TMCO6: variants seen among roughly 807,000 people sequenced by gnomAD.
TMCO6 encodes transmembrane and coiled-coil domain-containing protein 6.
In TMCO6, 47 loss-of-function variants were observed where a neutral mutation model predicts 61.8. That is an observed-to-expected ratio of 0.76 (90% CI 0.60 to 0.97). TMCO6 has a LOEUF of 0.97. Among genes scored for constraint, TMCO6 ranks in the 50% least tolerant of loss-of-function variants. The pLI, the probability that TMCO6 is intolerant of heterozygous loss-of-function variation, is 0.00. For synonymous variants in TMCO6, 261 were observed against 254.2 expected (o/e 1.03, Z -0.25); for missense variants, 557 against 601.6 (o/e 0.93, Z 0.78).
At chr5:140,647,730 C>T (rs766346615), downstream of TMCO6, 20 of 1,318,260 alleles carry the variant, frequency 1.5e-5, no homozygotes, top group Admixed American at 5.7e-5. Flanking sequence ...ATTGTAGGAC[C>T]GCTGCGAGGT....
intron 2 of TMCO6, chr5:140,641,194 C>T (rs1316366534): frequency 6.4e-6 from 1 of 155,892 alleles, no homozygotes; most frequent in African/African-American, 2.4e-5. Context: ...GGAGCAGAAA[C>T]CTGAAGAGAG....
chr5:140,639,639 G>T lies in TMCO6; in HGVS notation c.85+27G>T, dbSNP rs941955647. ...TGTGGGCGGCCGAGGGAGCGCGGGG[G>T]TATATGGCGGTCGGGGATAAGTTGA... On this transcript the variant is annotated intron_variant, in intron 1 of 11. Coordinates refer to ENST00000394671, the MANE Select transcript of TMCO6 (RefSeq NM_018502.5). 3.2e-6 allele frequency: 5 copies of T among 1,539,690 alleles called. No homozygotes were observed. The African/African-American group carries it at 4.1e-5, about 13-fold the overall frequency.
At chr5:140,647,298 G>C, downstream of TMCO6, 1 of 1,577,178 alleles carries the variant, frequency 6.3e-7, no homozygotes, top group East Asian at 2.2e-5. Context: ...GAGCATTCGC[G>C]GATTAGGATG....
At chr5:140,600,038 C>G in the TMCO6 span, among the ~76,000 whole-genome samples, 2 of 152,052 alleles carry the variant, frequency 1.3e-5, no homozygotes, top group Non-Finnish European at 2.9e-5. Context: ...TGGCATTCCC[C>G]CAGTGGTATG....
chr5:140,604,217 C>T, the TMCO6 span, among the ~76,000 whole-genome samples: 1 of 151,880 alleles, frequency 6.6e-6, no homozygotes, highest in Non-Finnish European at 1.5e-5. Flanking sequence ...AACATAGCTA[C>T]ACCTTGTCTC....
the TMCO6 span, among the ~76,000 whole-genome samples, chr5:140,629,777 T>C: frequency 6.6e-6 from 1 of 151,390 alleles, no homozygotes; most frequent in African/African-American, 2.4e-5. Flanking sequence ...CTACGAAAAA[T>C]ACAAAATTAG....
chr5:140,621,932 T>C, the TMCO6 span, among the ~76,000 whole-genome samples: 1 of 152,208 alleles, frequency 6.6e-6, no homozygotes, highest in Non-Finnish European at 1.5e-5. Flanking sequence ...CTCAAAACCC[T>C]GTCTCCTGAT....
the TMCO6 span, chr5:140,632,179 C>G: frequency 6.2e-7 from 1 of 1,613,794 alleles, no homozygotes; most frequent in African/African-American, 1.3e-5. The surrounding 1 kb of genome is among the most constrained non-coding windows in gnomAD (Gnocchi z 6.2). Flanking sequence ...CATCTCGGAG[C>G]GCTAGGGTTT....
the TMCO6 span, among the ~76,000 whole-genome samples, chr5:140,613,871 CT>C: frequency 6.6e-6 from 1 of 151,628 alleles, no homozygotes. Context: ...CTGCACCAGG[CT>C]CATCTCTCAT....
intron 7 of TMCO6, 166 bp from the exon 8 acceptor site, chr5:140,643,398 T>C (rs1757169739): frequency 2.8e-6 from 2 of 707,506 alleles, no homozygotes; most frequent in South Asian, 1.6e-5. Context: ...AGTTTCGCCA[T>C]GTTGGCCAGG....
Position 140,643,978 on chromosome 5 carries a change from A to T in TMCO6, c.1105+12A>T. 1 of 1,614,070 alleles carries T rather than the reference A, an allele frequency of 6.2e-7. No individual in the cohort carries two copies. Among genetic ancestry groups the T allele is most frequent in the Non-Finnish European group, 8.5e-7 (1 of 1,179,972 alleles). On this transcript the variant is annotated intron_variant, in intron 9 of 11. Coordinates refer to ENST00000394671, the MANE Select transcript of TMCO6 (RefSeq NM_018502.5). ...CAACAACCTCACTGGTACGCACCAT[A>T]ATCTGCCCAGGCCTGGACATTTGGA...
At chr5:140,617,313 G>A in the TMCO6 span, among the ~76,000 whole-genome samples, 1 of 152,126 alleles carries the variant, frequency 6.6e-6, no homozygotes, top group Non-Finnish European at 1.5e-5. Flanking sequence ...TGTAATCCCA[G>A]CAGTTTGGGA....
chr5:140,622,640 C>T, the TMCO6 span, among the ~76,000 whole-genome samples: 6 of 149,186 alleles, frequency 4.0e-5, no homozygotes, highest in Admixed American at 2.7e-4. Context: ...TTACAGAAAG[C>T]GGTGGAAGGG....
At chr5:140,627,217 T>A in the TMCO6 span, among the ~76,000 whole-genome samples, 1 of 150,696 alleles carries the variant, frequency 6.6e-6, no homozygotes, top group Non-Finnish European at 1.5e-5. Flanking sequence ...TTTTTTTTTT[T>A]GGTGAAAAAC....
chr5:140,600,321 A>T, the TMCO6 span, among the ~76,000 whole-genome samples: 3 of 152,326 alleles, frequency 2.0e-5, no homozygotes, highest in Non-Finnish European at 4.4e-5. Context: ...TACTTCACAC[A>T]GGGCTATTGT....
At chr5:140,645,561 G>C (rs752704993), downstream of TMCO6, 1 of 1,613,854 alleles carries the variant, frequency 6.2e-7, no homozygotes, top group South Asian at 1.1e-5. Flanking sequence ...CTCTGGGGCT[G>C]TTGCTCTTAA....
At chr5:140,611,566 G>A in the TMCO6 span, among the ~76,000 whole-genome samples, 1 of 152,176 alleles carries the variant, frequency 6.6e-6, no homozygotes, top group Non-Finnish European at 1.5e-5. Context: ...AACTTAAAGT[G>A]GCAGTGTTTG....
chr5:140,624,262 G>A, the TMCO6 span, among the ~76,000 whole-genome samples: 1 of 152,160 alleles, frequency 6.6e-6, no homozygotes, highest in African/African-American at 2.4e-5. Context: ...CTACTCAGGA[G>A]GCTGAAGCAG....
chr5:140,645,218 C>T lies in TMCO6; in HGVS notation c.*120C>T. ...CATGTTCTCTGCTCCCACACCTAAG[C>T]CAAGACCTTTGGGTCCCAGCTCCTC... On this transcript the variant is annotated 3_prime_UTR_variant, in exon 12 of 12. Transcript: ENST00000394671. 1.9e-6 allele frequency: 2 copies of T among 1,044,208 alleles called. No homozygotes were observed. Among genetic ancestry groups the T allele is most frequent in the Middle Eastern group, 2.1e-4 (1 of 4,874 alleles). The allele number at this position is 1,044,208 out of a possible 1,614,324, so 64.7% of individuals were successfully genotyped here. A position where few individuals can be genotyped will look rare whatever the true frequency, so the allele number is the denominator to read the frequency against.
Sources: allele counts gnomAD v4.1 joint callset (sites outside exome capture counted in the v4.1 genomes callset), GRCh38; gene constraint gnomAD v4.1.1; non-coding constraint Gnocchi (gnomAD v3.1); transcripts MANE v1.5; gene names NCBI Gene and HGNC (gene_info 2026-07-23, HGNC 2026-07-21).